Variants in IFI27 observed in about 807,000 individuals in gnomAD.
IFI27 encodes the protein interferon alpha-inducible protein 27, mitochondrial.
Under a neutral mutation model 8.9 loss-of-function variants are expected in IFI27, and 3 were observed. That is an observed-to-expected ratio of 0.34 (90% CI 0.15 to 0.87). IFI27 has a LOEUF of 0.87. Ranked by LOEUF, IFI27 falls within the 40% of genes least tolerant of loss-of-function variation. The pLI, the probability that IFI27 is intolerant of heterozygous loss-of-function variation, is 0.51. For missense variants in IFI27, 152 were observed against 157.7 expected, an observed-to-expected ratio of 0.96 and a Z score of 0.19; for synonymous variants, 66 against 67.3, an observed-to-expected ratio of 0.98 and a Z score of 0.09.
chr14:94,114,914 C>T, intron 3 of IFI27, 34 bp downstream of exon 3: 1 of 1,605,238 alleles, frequency 6.2e-7, no homozygotes, highest in East Asian at 2.2e-5. Context: ...AAGTAACCAC[C>T]TGCCCCTAGG....
At position 94,116,007 on chromosome 14, in the gene IFI27, G is replaced by A; in HGVS notation, c.283+65G>A. Reference sequence around the variant, plus strand: ...GAGGGCAAGAGCCTCCAAGGACCCAGTCCCAATCTCAACCCTATGAACCTC... The same window carrying A: ...GAGGGCAAGAGCCTCCAAGGACCCAATCCCAATCTCAACCCTATGAACCTC... On this transcript the variant is annotated intron_variant, in intron 4 of 4. Transcript: ENST00000621160. This position sits in a 1 kb window ranked among gnomAD's most constrained non-coding sequence, Gnocchi z 4.3. The A allele has an allele frequency of 9.0e-6, 13 of 1,442,254 alleles. No individual in the cohort carries two copies. Among genetic ancestry groups the A allele is most frequent in the Non-Finnish European group, 1.2e-5 (13 of 1,052,384 alleles). The allele number at this position is 1,442,254 out of a possible 1,614,324, so 89.3% of individuals were successfully genotyped here.
At chr14:94,110,223 A>C (rs577471665), upstream of IFI27, among the ~76,000 whole-genome samples, 7 of 152,298 alleles carry the variant, frequency 4.6e-5, no homozygotes, top group East Asian at 1.4e-3. Flanking sequence ...CTATACATTT[A>C]GTTATTTATT....
At position 94,111,477 on chromosome 14, in the gene IFI27, C is replaced by T. The variant is rs1887181098; in HGVS notation, c.-58-148C>T. 3.4e-6 allele frequency: 2 copies of T among 582,580 alleles called. No homozygotes were observed. Among genetic ancestry groups the T allele is most frequent in the East Asian group, 2.8e-5 (1 of 35,614 alleles). The allele number at this position is 582,580 out of a possible 1,614,324, so 36.1% of individuals were successfully genotyped here. A position where few individuals can be genotyped will look rare whatever the true frequency, so the allele number is the denominator to read the frequency against. On this transcript the variant is annotated intron_variant, in intron 1 of 4. Coordinates refer to ENST00000621160, the Ensembl canonical transcript of IFI27. This position sits in a 1 kb window ranked among gnomAD's most constrained non-coding sequence, Gnocchi z 4.3. ...CCAACTCCCCAACATCCCTCCCTCCCTCACCCCAGGATCCTTTCAAGGCCT... is the reference window on the plus strand; with the variant it reads ...CCAACTCCCCAACATCCCTCCCTCCTTCACCCCAGGATCCTTTCAAGGCCT...
chr14:94,111,663 C>T lies in IFI27; in HGVS notation c.-20C>T, dbSNP rs374884974. The T allele has an allele frequency of 3.6e-5, 58 of 1,607,540 alleles. No individual in the cohort carries two copies. Among genetic ancestry groups the T allele is most frequent in the African/African-American group, 3.5e-4 (26 of 74,812 alleles). On this transcript the variant is annotated 5_prime_UTR_variant, in exon 2 of 5. It adds an upstream start codon to the 5' untranslated region. Transcript: ENST00000621160. This position sits in a 1 kb window ranked among gnomAD's most constrained non-coding sequence, Gnocchi z 4.3. Reference sequence around the variant, plus strand: ...TGAGGATCTCTTACTCTCTAGGCCACGGAATTAACCCGAGCAGGCATGGAG... The same window carrying T: ...TGAGGATCTCTTACTCTCTAGGCCATGGAATTAACCCGAGCAGGCATGGAG...
chr14:94,107,614 T>C (rs889126005), upstream of IFI27, among the ~76,000 whole-genome samples: 5 of 152,232 alleles, frequency 3.3e-5, no homozygotes, highest in African/African-American at 1.2e-4. Context: ...TAGAAAATAT[T>C]TGTATATAGT....
At chr14:94,109,761 T>C (rs1038648174), upstream of IFI27, among the ~76,000 whole-genome samples, 6 of 152,234 alleles carry the variant, frequency 3.9e-5, no homozygotes, top group African/African-American at 1.4e-4. Context: ...CTCTGTCTGC[T>C]GAGGTTTTAC....
rs1243080 is a variant in IFI27, at chr14:94,111,842, C to A, written c.91+69C>A. On this transcript the variant is annotated intron_variant, in intron 2 of 4. Transcript: ENST00000621160. The surrounding 1 kb of genome is among the most constrained non-coding windows in gnomAD (Gnocchi z 4.3). ...GCTGGGAAGGGCGGGGGTCCTGTCCCGGGACCCGTGGGAGAGAAAATGGGG... is the reference window on the plus strand; with the variant it reads ...GCTGGGAAGGGCGGGGGTCCTGTCCAGGGACCCGTGGGAGAGAAAATGGGG... 450,655 of 1,213,862 alleles carry A rather than the reference C, an allele frequency of 0.37. 85,429 individuals are homozygous for A. Among genetic ancestry groups the A allele is most frequent in the African/African-American group, 0.49 (32,991 of 67,180 alleles). The allele number at this position is 1,213,862 out of a possible 1,614,324, so 75.2% of individuals were successfully genotyped here.
chr14:94,107,571 A>C (rs1360706097), upstream of IFI27, among the ~76,000 whole-genome samples: 1 of 152,092 alleles, frequency 6.6e-6, no homozygotes, highest in Non-Finnish European at 1.5e-5. Flanking sequence ...ATTTCTGTGG[A>C]TAGATGATAG....
At chr14:94,115,348 C>A in intron 3 of IFI27, 1 of 519,152 alleles carries the variant, frequency 1.9e-6, no homozygotes, top group Non-Finnish European at 3.7e-6. Context: ...GGCAACACCA[C>A]GGAGCCCTAG....
At chr14:94,110,149 C>G (rs1887119358), upstream of IFI27, among the ~76,000 whole-genome samples, 1 of 152,364 alleles carries the variant, frequency 6.6e-6, no homozygotes, top group East Asian at 1.9e-4. Context: ...TGACTGCCCC[C>G]CCATAATTCT....
chr14:94,106,302 G>A (rs1220111325), upstream of IFI27, among the ~76,000 whole-genome samples: 2 of 152,328 alleles, frequency 1.3e-5, no homozygotes, highest in East Asian at 1.9e-4. Flanking sequence ...TCAGACCATA[G>A]CACCCTGCTT....
At chr14:94,115,196 T>C (rs957217075) in intron 3 of IFI27, 2 of 648,110 alleles carry the variant, frequency 3.1e-6, no homozygotes, top group Non-Finnish European at 2.9e-6. Context: ...CTGTTTCCTC[T>C]CCAGAGAAAA....
chr14:94,108,771 AGAGG>A (rs747322115), upstream of IFI27, among the ~76,000 whole-genome samples: 6 of 151,454 alleles, frequency 4.0e-5, no homozygotes, highest in Non-Finnish European at 5.9e-5. Flanking sequence ...AAAAAGAGAG[AGAGG>A]GAGACAAATC....
At chr14:94,106,521 A>G (rs904698250), upstream of IFI27, among the ~76,000 whole-genome samples, 6 of 152,196 alleles carry the variant, frequency 3.9e-5, no homozygotes, top group African/African-American at 9.7e-5. Context: ...GTTGTGAGGT[A>G]GTATCTCATT....
chr14:94,110,993 C>G (rs900083081), intron 1 of IFI27, 196 bp downstream of exon 1: 9 of 154,444 alleles, frequency 5.8e-5, no homozygotes, highest in African/African-American at 2.2e-4. Flanking sequence ...GGACAATTAG[C>G]TTTGTCCTTG....
chr14:94,112,556 A>G (rs897230144), intron 2 of IFI27, among the ~76,000 whole-genome samples: 2 of 152,226 alleles, frequency 1.3e-5, no homozygotes, highest in Non-Finnish European at 2.9e-5. Context: ...GTGGACATCC[A>G]GGGGTTCCCC....
rs1441579222 is a variant in IFI27 at position 94,116,468 on chromosome 14, A to T, written c.310A>T (p.Lys104Ter). ...AGCAACTGGACTCTCCGGATTGACCAAGTTCATCCTGGGCTCCATTGGGTC... is the reference window on the plus strand; with the variant it reads ...AGCAACTGGACTCTCCGGATTGACCTAGTTCATCCTGGGCTCCATTGGGTC... The change falls in exon 5 of 5, where the codon AAG (lysine) becomes TAG (stop). Residue 104 changes from lysine to a stop codon, truncating the protein, a stop_gained. Transcript: ENST00000621160. LOFTEE classifies it low-confidence loss of function (END_TRUNC). The surrounding 1 kb of genome is among the most constrained non-coding windows in gnomAD (Gnocchi z 4.3). The T allele has an allele frequency of 2.5e-6, 4 of 1,613,240 alleles. No homozygotes were observed. The highest frequency in any genetic ancestry group is 1.7e-5 in the Admixed American group (1 of 59,896).
In IFI27 at chr14:94,114,987, G is replaced by A. The variant is rs115498073; in HGVS notation, c.121+107G>A. ...AATGTTTCCCTCACATGGGTGGTCA[G>A]GGGAGGAGGTGGGGATGAGGGGCTA... On this transcript the variant is annotated intron_variant, in intron 3 of 4. Coordinates refer to ENST00000621160, the Ensembl canonical transcript of IFI27. 1.4e-3 allele frequency: 1,504 copies of A among 1,044,156 alleles called. 18 individuals carry two copies. In the African/African-American group the frequency reaches 0.02, roughly 14 times the overall value. The allele number at this position is 1,044,156 out of a possible 1,614,324, so 64.7% of individuals were successfully genotyped here. A position where few individuals can be genotyped will look rare whatever the true frequency, so the allele number is the denominator to read the frequency against.
At position 94,111,538 on chromosome 14, in the gene IFI27, C is replaced by T; in HGVS notation, c.-58-87C>T. 1.5e-6 allele frequency: 1 copy of T among 681,488 alleles called. No individual in the cohort carries two copies. Among genetic ancestry groups the T allele is most frequent in the Non-Finnish European group, 2.7e-6 (1 of 375,374 alleles). 42.2% of individuals were successfully genotyped at this position (681,488 alleles called of 1,614,324 possible). Reference sequence around the variant, plus strand: ...AAGCTCAGAGCAGCCTCCCTAGCCCCCTGGAGCCCGTCACATTTTTCAGGA... The same window carrying T: ...AAGCTCAGAGCAGCCTCCCTAGCCCTCTGGAGCCCGTCACATTTTTCAGGA... On this transcript the variant is annotated intron_variant, in intron 1 of 4. Transcript: ENST00000621160. The surrounding 1 kb of genome is among the most constrained non-coding windows in gnomAD (Gnocchi z 4.3).
Sources: allele counts gnomAD v4.1 joint callset (sites outside exome capture counted in the v4.1 genomes callset), GRCh38; gene constraint gnomAD v4.1.1; non-coding constraint Gnocchi (gnomAD v3.1); transcripts MANE v1.5; gene names NCBI Gene and HGNC (gene_info 2026-07-23, HGNC 2026-07-21).